Variants in GLIS3 observed in about 807,000 individuals in gnomAD.
The protein encoded by GLIS3 is GLIS family zinc finger 3, also known as zinc finger protein GLIS3.
In GLIS3, 53 loss-of-function variants were observed where a neutral mutation model predicts 78.6. The observed-to-expected ratio is 0.67, with a 90% CI of 0.54 to 0.85. The LOEUF is 0.85. GLIS3 is among the 40% of genes least tolerant of loss of function. The pLI is 0.00. For missense variants in GLIS3, 1,703 were observed against 1,231.1 expected, an observed-to-expected ratio of 1.38 and a Z score of -5.74; for synonymous variants, 684 against 509.9, an observed-to-expected ratio of 1.34 and a Z score of -4.60.
the GLIS3 span, among the ~76,000 whole-genome samples, chr9:4,484,766 G>A: frequency 2.0e-5 from 3 of 152,126 alleles, no homozygotes; most frequent in Non-Finnish European, 4.4e-5. Flanking sequence ...TTAAAGTAAA[G>A]ATAGTAATAG....
chr9:4,006,179 G>A (rs907430319), intron 4 of GLIS3, among the ~76,000 whole-genome samples: 2 of 152,016 alleles, frequency 1.3e-5, no homozygotes, highest in African/African-American at 4.8e-5. Context: ...GATCTCTAAT[G>A]TTAGGCCCTT....
At chr9:4,298,808 GAGGAGTGTAGGTACCCTC>G (rs2130467591) in intron 1 of GLIS3, among the ~76,000 whole-genome samples, 1 of 152,260 alleles carries the variant, frequency 6.6e-6, no homozygotes, top group South Asian at 2.1e-4. Context: ...CGGTACCCGC[GAGGAGTGTAGGTACCCTC>G]AGCCCGACCA....
intron 10 of GLIS3, 140 bp from the exon 11 acceptor site, chr9:3,828,548 GTC>G: frequency 9.3e-7 from 1 of 1,074,584 alleles, no homozygotes; most frequent in East Asian, 2.6e-5. Flanking sequence ...CCTATAGTGA[GTC>G]TCTGTTTCCA....
intron 4 of GLIS3, among the ~76,000 whole-genome samples, chr9:3,944,743 T>TC (rs1312784126): frequency 6.6e-6 from 1 of 152,252 alleles, no homozygotes; most frequent in East Asian, 1.9e-4. Flanking sequence ...AACATACCTG[T>TC]CTCAGTCCAT....
At chr9:4,381,015 G>C in the GLIS3 span, among the ~76,000 whole-genome samples, 29 of 152,264 alleles carry the variant, frequency 1.9e-4, no homozygotes, top group Middle Eastern at 3.4e-3. Context: ...AGGGTAAGTA[G>C]TCTCAGGGAT....
At chr9:4,290,899 C>T (rs943355698) in intron 1 of GLIS3, among the ~76,000 whole-genome samples, 20 of 152,104 alleles carry the variant, frequency 1.3e-4, no homozygotes, top group African/African-American at 4.3e-4. Context: ...ATTATTTCCC[C>T]AAATTGAAAC....
chr9:4,047,072 C>G (rs1403832755), intron 4 of GLIS3, among the ~76,000 whole-genome samples: 1 of 152,128 alleles, frequency 6.6e-6, no homozygotes, highest in Non-Finnish European at 1.5e-5. Flanking sequence ...GAACTGTAAT[C>G]CCCATGAGTT....
At chr9:4,138,989 G>T (rs1317100115) in intron 2 of GLIS3, among the ~76,000 whole-genome samples, 1 of 152,186 alleles carries the variant, frequency 6.6e-6, no homozygotes, top group Non-Finnish European at 1.5e-5. Context: ...GCAGAGCAAA[G>T]GCTGAAGGCA....
chr9:4,243,493 G>C (rs998851259), intron 2 of GLIS3, among the ~76,000 whole-genome samples: 3 of 152,054 alleles, frequency 2.0e-5, no homozygotes, highest in African/African-American at 7.2e-5. Flanking sequence ...ATGAGAAATG[G>C]TTCTAAGCAT....
chr9:4,157,138 C>T lies in GLIS3; in HGVS notation c.389-31197G>A, dbSNP rs16920821. On this transcript the variant is annotated intron_variant, in intron 2 of 10. Transcript: ENST00000381971. Reference sequence around the variant, plus strand: ...AATATTATTTTCAGAAAGGTGCGTGCGGTAATTATAAGCTATTTGTTATGA... The same window carrying T: ...AATATTATTTTCAGAAAGGTGCGTGTGGTAATTATAAGCTATTTGTTATGA... Among the ~76,000 whole-genome samples, 795 of 152,166 alleles carry T rather than the reference C, an allele frequency of 5.2e-3. 8 individuals carry two copies. The highest frequency in any genetic ancestry group is 0.018 in the African/African-American group (767 of 41,504).
chr9:4,168,119 T>A (rs1816033656), intron 2 of GLIS3, among the ~76,000 whole-genome samples: 1 of 152,128 alleles, frequency 6.6e-6, no homozygotes, highest in Non-Finnish European at 1.5e-5. Flanking sequence ...AACTGAAAAC[T>A]CAGCAAGCAA....
chr9:4,479,281 T>A, the GLIS3 span, among the ~76,000 whole-genome samples: 2 of 152,310 alleles, frequency 1.3e-5, no homozygotes, highest in Admixed American at 1.3e-4. Context: ...AAAGATACTT[T>A]ACAACTTAAC....
chr9:4,283,923 C>T (rs67223349), intron 2 of GLIS3, among the ~76,000 whole-genome samples: 10,155 of 152,214 alleles, frequency 0.067, 748 homozygotes, highest in African/African-American at 0.19. Context: ...CCATGCAGAT[C>T]CAGGAGGAGC....
intron 2 of GLIS3, among the ~76,000 whole-genome samples, chr9:4,238,601 G>C (rs890971859): frequency 1.3e-5 from 2 of 152,184 alleles, no homozygotes; most frequent in South Asian, 2.1e-4. Context: ...CTGGGAAGTA[G>C]AATAAGTTTT....
At chr9:3,931,566 TACTC>T (rs1220505364) in intron 6 of GLIS3, among the ~76,000 whole-genome samples, 1 of 152,134 alleles carries the variant, frequency 6.6e-6, no homozygotes, top group Non-Finnish European at 1.5e-5. Flanking sequence ...GAATAGAAGA[TACTC>T]ACTGATCCAA....
intron 4 of GLIS3, among the ~76,000 whole-genome samples, chr9:3,990,896 C>A (rs377207413): frequency 1.3e-5 from 2 of 152,140 alleles, no homozygotes; most frequent in South Asian, 2.1e-4. Flanking sequence ...ATCAAGCATG[C>A]CCTCAATTTT....
At chr9:4,107,564 C>T (rs767196796) in intron 4 of GLIS3, among the ~76,000 whole-genome samples, 16 of 152,080 alleles carry the variant, frequency 1.1e-4, no homozygotes, top group Admixed American at 3.9e-4. Context: ...CATAGCAAGC[C>T]GCTGAGATTT....
chr9:4,370,822 C>A, the GLIS3 span, among the ~76,000 whole-genome samples: 1 of 152,088 alleles, frequency 6.6e-6, no homozygotes, highest in East Asian at 1.9e-4. Flanking sequence ...AAACAGCAGA[C>A]CTGCTCCTGC....
intron 2 of GLIS3, among the ~76,000 whole-genome samples, chr9:4,330,264 T>C (rs1043696285): frequency 5.9e-5 from 9 of 152,216 alleles, no homozygotes; most frequent in African/African-American, 1.9e-4. Context: ...TTCCCATACT[T>C]TGGTGCACAT....
Sources: allele counts gnomAD v4.1 joint callset (sites outside exome capture counted in the v4.1 genomes callset), GRCh38; gene constraint gnomAD v4.1.1; transcripts MANE v1.5; gene names NCBI Gene and HGNC (gene_info 2026-07-23, HGNC 2026-07-21).